The following SNRK variants were observed in gnomAD, a reference collection of about 807,000 sequenced individuals.
SNRK encodes SNF-related serine/threonine-protein kinase.
Under a neutral mutation model 48.2 loss-of-function variants are expected in SNRK, and 3 were observed. That is an observed-to-expected ratio of 0.06 (90% CI 0.03 to 0.16). The LOEUF is 0.16. Among genes scored for constraint, SNRK ranks in the 10% least tolerant of loss-of-function variants. SNRK has a pLI of 1.00. For synonymous variants in SNRK, 376 were observed against 366.1 expected, an observed-to-expected ratio of 1.03 and a Z score of -0.31; for missense variants, 627 against 976.0, an observed-to-expected ratio of 0.64 and a Z score of 4.76.
At chr3:43,320,376 A>G (rs2091044518) in intron 3 of SNRK, among the ~76,000 whole-genome samples, 1 of 152,172 alleles carries the variant, frequency 6.6e-6, no homozygotes, top group Non-Finnish European at 1.5e-5. Flanking sequence ...TCAACTCTCC[A>G]CTGACATTTG....
At chr3:43,327,921 T>C (rs777278515) in intron 3 of SNRK, among the ~76,000 whole-genome samples, 13 of 151,390 alleles carry the variant, frequency 8.6e-5, no homozygotes, top group Non-Finnish European at 1.2e-4. Flanking sequence ...AAAACTTCAT[T>C]ATCTCTTTAC....
Position 43,321,498 on chromosome 3 carries a change from C to G in SNRK, c.590-10671C>G, listed in dbSNP as rs558657791. On this transcript the variant is annotated intron_variant, in intron 3 of 6. Transcript: ENST00000296088. ...GACTGTCCTAAGTGCATGTACAAAGCTCATGTATTTTGCTCGTAGCTGTCA... is the reference window on the plus strand; with the variant it reads ...GACTGTCCTAAGTGCATGTACAAAGGTCATGTATTTTGCTCGTAGCTGTCA... Among the ~76,000 whole-genome samples the G allele has an allele frequency of 6.9e-4, 105 of 152,256 alleles. 1 individual carries two copies. Among genetic ancestry groups the G allele is most frequent in the South Asian group, 4.8e-3 (23 of 4,816 alleles).
intron 1 of SNRK, among the ~76,000 whole-genome samples, chr3:43,294,022 G>T (rs2090833732): frequency 6.6e-6 from 1 of 152,026 alleles, no homozygotes; most frequent in South Asian, 2.1e-4. Flanking sequence ...AAATGTAGTA[G>T]CCTCAAAATA....
At position 43,303,836 on chromosome 3, in the gene SNRK, G is replaced by T; in HGVS notation, c.589+44G>T. On this transcript the variant is annotated intron_variant, in intron 3 of 6. Transcript: ENST00000296088. This position sits in a 1 kb window ranked among gnomAD's most constrained non-coding sequence, Gnocchi z 6.2. Reference sequence around the variant, plus strand: ...GTATTTGGCCATTTGAATTCTGCCAGCTAGAGTTGGTCAGATCGGTTGTTT... The same window carrying T: ...GTATTTGGCCATTTGAATTCTGCCATCTAGAGTTGGTCAGATCGGTTGTTT... 1 of 1,345,940 alleles carries T rather than the reference G, an allele frequency of 7.4e-7. No homozygotes were observed. The highest frequency in any genetic ancestry group is 1.0e-6 in the Non-Finnish European group (1 of 956,572). 83.4% of individuals were successfully genotyped at this position (1,345,940 alleles called of 1,614,324 possible). A position where few individuals can be genotyped will look rare whatever the true frequency, so the allele number is the denominator to read the frequency against.
chr3:43,322,295 G>T (rs2091059432), intron 3 of SNRK, among the ~76,000 whole-genome samples: 1 of 152,190 alleles, frequency 6.6e-6, no homozygotes, highest in African/African-American at 2.4e-5. Context: ...AATTCCAGGT[G>T]AATTAAGGAT....
At chr3:43,329,527 T>C (rs1244978112) in intron 3 of SNRK, among the ~76,000 whole-genome samples, 1 of 152,210 alleles carries the variant, frequency 6.6e-6, no homozygotes, top group Admixed American at 6.5e-5. Flanking sequence ...ATTTGCCCTC[T>C]CTGAAACTTA....
intron 4 of SNRK, among the ~76,000 whole-genome samples, chr3:43,335,306 T>C (rs2091177937): frequency 6.6e-6 from 1 of 152,190 alleles, no homozygotes; most frequent in Admixed American, 6.5e-5. Context: ...ATAAGTATTT[T>C]CTAGTTTGTG....
intron 4 of SNRK, 93 bp from the exon 5 acceptor site, chr3:43,340,194 G>T: frequency 1.0e-6 from 1 of 991,130 alleles, no homozygotes; most frequent in Admixed American, 1.8e-5. Flanking sequence ...TTTAATTGAT[G>T]GTATAGGAAA....
chr3:43,296,820 A>G (rs1049862725), intron 1 of SNRK, among the ~76,000 whole-genome samples: 18 of 152,188 alleles, frequency 1.2e-4, no homozygotes, highest in Non-Finnish European at 1.9e-4. Flanking sequence ...TGGTTCTACA[A>G]CTGTTTTCAG....
At chr3:43,293,672 C>T (rs1331722202) in intron 1 of SNRK, among the ~76,000 whole-genome samples, 1 of 151,904 alleles carries the variant, frequency 6.6e-6, no homozygotes, top group African/African-American at 2.4e-5. Flanking sequence ...CCCAGCACCT[C>T]GGGAGGCCAA....
At chr3:43,325,754 C>T (rs2091092364) in intron 3 of SNRK, among the ~76,000 whole-genome samples, 1 of 152,048 alleles carries the variant, frequency 6.6e-6, no homozygotes, top group African/African-American at 2.4e-5. Context: ...GAAATCACTG[C>T]TTGAAACTAA....
At chr3:43,344,047 CCT>C (rs2091256860) in intron 6 of SNRK, among the ~76,000 whole-genome samples, 1 of 152,110 alleles carries the variant, frequency 6.6e-6, no homozygotes, top group Non-Finnish European at 1.5e-5. Context: ...ATGCTATTTA[CCT>C]CATGGGGTTG....
chr3:43,294,379 CA>C (rs1037348218), intron 1 of SNRK, among the ~76,000 whole-genome samples: 9 of 152,262 alleles, frequency 5.9e-5, no homozygotes, highest in East Asian at 3.9e-4. Flanking sequence ...TATACCTATA[CA>C]TATATGCTAA....
chr3:43,335,232 A>T (rs7616072), intron 4 of SNRK, among the ~76,000 whole-genome samples: 149,346 of 152,292 alleles, frequency 0.98, 73,295 homozygotes, highest in East Asian at 1. Flanking sequence ...TAAATTGCCT[A>T]CTGATACCAT....
Position 43,347,742 on chromosome 3 carries a change from T to C in SNRK, c.1483T>C (p.Ser495Pro). Residue 495 changes from serine to proline, a missense_variant, in exon 7 of 7, where the codon TCT (serine) becomes CCT (proline). Physicochemically the swap from Ser to Pro is moderately conservative, Grantham distance 74 (BLOSUM62 -1). Transcript: ENST00000296088. The surrounding 1 kb of genome is among the most constrained non-coding windows in gnomAD (Gnocchi z 5.4). ...VLNQIFEEGESDDEFDMDENL... is the reference protein window; with the variant it reads ...VLNQIFEEGEPDDEFDMDENL... ...CAACCAGATCTTTGAGGAAGGGGAA[T>C]CTGACGATGAGTTTGACATGGATGA... is the stretch of plus-strand genomic sequence containing the variant. The C allele has an allele frequency of 1.2e-6, 2 of 1,614,064 alleles. No individual in the cohort carries two copies. The highest frequency in any genetic ancestry group is 1.7e-6 in the Non-Finnish European group (2 of 1,180,028).
At chr3:43,304,403 C>G (rs548572426) in intron 3 of SNRK, among the ~76,000 whole-genome samples, 10 of 152,256 alleles carry the variant, frequency 6.6e-5, no homozygotes, top group African/African-American at 2.4e-4. Context: ...CATACAGAGG[C>G]TTTCTGTATG....
In SNRK at chr3:43,330,113, A is replaced by G. The variant is rs150101310; in HGVS notation, c.590-2056A>G. ...GATATGAATTTATTGTATTTCAAAT[A>G]CATATGTATTAGTGGTTAGGTATGA... On this transcript the variant is annotated intron_variant, in intron 3 of 6. Coordinates refer to ENST00000296088, the MANE Select transcript of SNRK (RefSeq NM_017719.5). 1.9e-3 allele frequency among the ~76,000 whole-genome samples: 287 copies of G among 152,342 alleles called. 1 individual carries two copies. Among genetic ancestry groups the G allele is most frequent in the African/African-American group, 6.6e-3 (273 of 41,582 alleles).
chr3:43,305,081 A>T (rs1202947284), intron 3 of SNRK, among the ~76,000 whole-genome samples: 3 of 152,208 alleles, frequency 2.0e-5, no homozygotes, highest in Non-Finnish European at 4.4e-5. Context: ...GTACTCTTTA[A>T]ATCTATTAAA....
At position 43,348,300 on chromosome 3, in the gene SNRK, G is replaced by C; in HGVS notation, c.2041G>C (p.Glu681Gln). The change falls in exon 7 of 7, where the codon GAG becomes CAG. Residue 681 changes from glutamate (E) to glutamine (Q), a missense_variant. Physicochemically the swap from Glu to Gln is conservative, Grantham distance 29. Coordinates refer to ENST00000296088, the MANE Select transcript of SNRK (RefSeq NM_017719.5). Reference sequence around the variant, plus strand: ...GTCATTTTCCAGTGTGAAAGTCCAAGAGAAATCTACGTGGAAAATGTGCAT... The same window carrying C: ...GTCATTTTCCAGTGTGAAAGTCCAACAGAAATCTACGTGGAAAATGTGCAT... ...GLSFSSVKVQ[E>Q]KSTWKMCISS... The C allele has an allele frequency of 6.2e-7, 1 of 1,614,006 alleles. No individual in the cohort carries two copies. Among genetic ancestry groups the C allele is most frequent in the Non-Finnish European group, 8.5e-7 (1 of 1,179,922 alleles).
Sources: allele counts gnomAD v4.1 joint callset (sites outside exome capture counted in the v4.1 genomes callset), GRCh38; gene constraint gnomAD v4.1.1; non-coding constraint Gnocchi (gnomAD v3.1); transcripts MANE v1.5; gene names NCBI Gene and HGNC (gene_info 2026-07-23, HGNC 2026-07-21).